The following COQ8B variants were observed in gnomAD, a reference collection of about 807,000 sequenced individuals.
COQ8B encodes coenzyme Q8B.
A neutral mutation model predicts 62.0 loss-of-function variants in COQ8B; 44 were observed. The observed-to-expected ratio is 0.71, with a 90% CI of 0.56 to 0.91. The LOEUF is 0.91. COQ8B is among the 40% of genes least tolerant of loss of function. The probability of loss-of-function intolerance (pLI) is 0.00; values close to 1 mark genes in which losing one functional copy is unlikely to be tolerated. For synonymous variants in COQ8B, 252 were observed against 289.9 expected (o/e 0.87, Z 1.33); for missense variants, 649 against 731.6 (o/e 0.89, Z 1.30).
At chr19:40,713,156 G>A (rs1279679144) in intron 4 of COQ8B, among the ~76,000 whole-genome samples, 1 of 152,234 alleles carries the variant, frequency 6.6e-6, no homozygotes, top group African/African-American at 2.4e-5. Flanking sequence ...GAGGTCAGGA[G>A]TTCAAGACCA....
intron 13 of COQ8B, among the ~76,000 whole-genome samples, chr19:40,694,855 G>A (rs1599925064): frequency 1.3e-5 from 2 of 152,208 alleles, no homozygotes; most frequent in African/African-American, 2.4e-5. Flanking sequence ...CTCCTCCTCT[G>A]GGCTCACAGT....
At position 40,713,985 on chromosome 19, in the gene COQ8B, T is replaced by C. The variant is rs1342730521; in HGVS notation, c.289+82A>G. ...GTCTCTCTCTCTTTCCTGTCTCTGA[T>C]TCATCCTCTCCCTTGCTTCAATCTG... On this transcript the variant is annotated intron_variant, in intron 4 of 14. Transcript: ENST00000324464. 2.1e-6 allele frequency: 3 copies of C among 1,452,288 alleles called. No homozygotes were observed. In the African/African-American group the frequency reaches 4.2e-5, roughly 20 times the overall value. 90.0% of individuals were successfully genotyped at this position (1,452,288 alleles called of 1,614,324 possible).
rs780725788 is a variant in COQ8B, at chr19:40,705,278, G to A, written c.490+47C>T. ...TTGGGGCCTGTTGGTGGGTAGGGCT[G>A]GGGTAGAAGGGAGGTCAGGGGTCAG... On this transcript the variant is annotated intron_variant, in intron 6 of 14. Coordinates refer to ENST00000324464, the MANE Select transcript of COQ8B (RefSeq NM_024876.4). The A allele has an allele frequency of 5.7e-6, 9 of 1,584,056 alleles. No homozygotes were observed. The South Asian group carries it at 9.1e-5, about 16-fold the overall frequency.
intron 12 of COQ8B, among the ~76,000 whole-genome samples, chr19:40,697,875 G>GAGAGAGAGAGGGAGGC (rs58313890): frequency 9.7e-6 from 1 of 103,474 alleles, no homozygotes; most frequent in South Asian, 3.3e-4. Flanking sequence ...GAGAGAGAGA[G>GAGAGAGAGAGGGAGGC]AGTTTCTACT....
intron 13 of COQ8B, among the ~76,000 whole-genome samples, chr19:40,695,722 C>G (rs539524906): frequency 1.3e-5 from 2 of 152,286 alleles, no homozygotes; most frequent in South Asian, 4.2e-4. Context: ...CCCTCCAGGA[C>G]CCAGTTACTT....
chr19:40,692,836 TC>T, intron 14 of COQ8B, 114 bp downstream of exon 14: 4 of 841,960 alleles, frequency 4.8e-6, no homozygotes, highest in South Asian at 1.7e-5. Context: ...AGTCCCCCAG[TC>T]CCCGGGTATC....
chr19:40,713,366 G>A (rs1411363095), intron 4 of COQ8B, among the ~76,000 whole-genome samples: 2 of 152,146 alleles, frequency 1.3e-5, no homozygotes, highest in Non-Finnish European at 2.9e-5. Context: ...GACAAACATG[G>A]TGAAACCCCG....
chr19:40,699,106 G>A (rs2604884), intron 12 of COQ8B, among the ~76,000 whole-genome samples: 186 of 150,750 alleles, frequency 1.2e-3, no homozygotes, highest in African/African-American at 4.4e-3. Context: ...GAGCCACCAT[G>A]CTCAGCCTCT....
intron 5 of COQ8B, 127 bp downstream of exon 5, chr19:40,709,932 G>A: frequency 4.6e-6 from 4 of 865,612 alleles, no homozygotes; most frequent in Non-Finnish European, 7.4e-6. Context: ...ATGACTCTAA[G>A]AGGTGGGTAA....
At chr19:40,714,742 T>C in intron 1 of COQ8B, 107 bp from the exon 2 acceptor site, 7 of 1,304,936 alleles carry the variant, frequency 5.4e-6, no homozygotes, top group Non-Finnish European at 7.2e-6. Flanking sequence ...CACTAAATAC[T>C]TCCTCCACTA....
At chr19:40,692,920 C>A (rs781734743) in intron 14 of COQ8B, 31 bp downstream of exon 14, 1 of 1,606,118 alleles carries the variant, frequency 6.2e-7, no homozygotes, top group Admixed American at 1.7e-5. Context: ...CCAACAGACA[C>A]CAGCCCCTTT....
intron 1 of COQ8B, chr19:40,715,085 C>T (rs1225823656): frequency 2.6e-5 from 26 of 989,004 alleles, no homozygotes; most frequent in Non-Finnish European, 3.0e-5. Flanking sequence ...CCGCAACCTG[C>T]TGGGGCCCTC....
At chr19:40,696,266 T>C (rs760378972) in intron 12 of COQ8B, among the ~76,000 whole-genome samples, 2 of 152,048 alleles carry the variant, frequency 1.3e-5, no homozygotes, top group African/African-American at 2.4e-5. Flanking sequence ...TAATTGTTTA[T>C]GCAATAACAA....
chr19:40,715,845 C>CTG (rs57781535), intron 1 of COQ8B: 64,315 of 149,126 alleles, frequency 0.43, 13,977 homozygotes, highest in East Asian at 0.6. Flanking sequence ...CTTTCTTTCT[C>CTG]TGTGTGTGTG....
intron 5 of COQ8B, among the ~76,000 whole-genome samples, chr19:40,709,508 T>C (rs934960053): frequency 3.9e-5 from 6 of 152,202 alleles, no homozygotes; most frequent in African/African-American, 1.4e-4. Flanking sequence ...TTTCTGCTCC[T>C]GCTCCAAGTT....
chr19:40,698,568 A>C (rs538528321), intron 12 of COQ8B, among the ~76,000 whole-genome samples: 8 of 152,156 alleles, frequency 5.3e-5, no homozygotes, highest in Non-Finnish European at 1.2e-4. Context: ...GTTGGAAACC[A>C]ATAAATTGAT....
In COQ8B at chr19:40,715,051, A is replaced by T. The variant is rs552734322; in HGVS notation, c.-3-416T>A. On this transcript the variant is annotated intron_variant, in intron 1 of 14. Coordinates refer to ENST00000324464, the MANE Select transcript of COQ8B (RefSeq NM_024876.4). ...TGAGCACCTCCCCCCGTTGCTAAGC[A>T]CCCACTGCTCTCAGCCTCCGAGTCC... The T allele has an allele frequency of 3.3e-5, 32 of 983,522 alleles. No homozygotes were observed. The East Asian group carries it at 1.8e-3, about 54-fold the overall frequency. The allele number at this position is 983,522 out of a possible 1,614,324, so 60.9% of individuals were successfully genotyped here.
intron 4 of COQ8B, among the ~76,000 whole-genome samples, chr19:40,710,894 G>C (rs1169875077): frequency 6.6e-6 from 1 of 152,158 alleles, no homozygotes; most frequent in Admixed American, 6.5e-5. Flanking sequence ...CACTTTGGGA[G>C]GCCGAGGTGG....
In COQ8B at chr19:40,714,404, G is replaced by A. The variant is rs1159790683; in HGVS notation, c.103-7C>T. On this transcript the variant is annotated splice_polypyrimidine_tract_variant and splice_region_variant and intron_variant, in intron 2 of 14. Transcript: ENST00000324464. ...AAGAACCTCCACATGGTCCCTGCAA[G>A]AGATATACTTTGATAAGGAGGGGAG... 6.2e-7 allele frequency: 1 copy of A among 1,613,442 alleles called. No individual in the cohort carries two copies. The highest frequency in any genetic ancestry group is 8.5e-7 in the Non-Finnish European group (1 of 1,179,684).
Sources: allele counts gnomAD v4.1 joint callset (sites outside exome capture counted in the v4.1 genomes callset), GRCh38; gene constraint gnomAD v4.1.1; transcripts MANE v1.5; gene names NCBI Gene and HGNC (gene_info 2026-07-23, HGNC 2026-07-21).